Variants in CHSY3 observed in about 807,000 individuals in gnomAD.
CHSY3 encodes the protein N-acetylgalactosaminyl-proteoglycan 3-beta-glucuronosyltransferase 3.
CHSY3 carries 35 observed loss-of-function variants against 67.2 expected under a neutral mutation model. The ratio of observed to expected loss-of-function variants is 0.52; its 90% CI spans 0.40 to 0.69. The LOEUF (loss-of-function observed/expected upper bound fraction) is 0.69. CHSY3 is among the 30% of genes least tolerant of loss of function. The pLI is 0.00. For synonymous variants in CHSY3, 474 were observed against 434.7 expected, an observed-to-expected ratio of 1.09 and a Z score of -1.12; for missense variants, 1,069 against 1,138.5, an observed-to-expected ratio of 0.94 and a Z score of 0.88.
At chr5:130,030,850 T>C (rs1764684151) in intron 2 of CHSY3, among the ~76,000 whole-genome samples, 1 of 152,094 alleles carries the variant, frequency 6.6e-6, no homozygotes, top group Admixed American at 6.6e-5. Flanking sequence ...CATTGAAGAT[T>C]TGAGGATGGT....
At chr5:130,083,384 T>C (rs115640616) in intron 2 of CHSY3, among the ~76,000 whole-genome samples, 3,429 of 152,140 alleles carry the variant, frequency 0.023, 123 homozygotes, top group African/African-American at 0.076. Context: ...TTTTAAAATG[T>C]GTCTCTCTGT....
Position 130,051,223 on chromosome 5 carries a change from G to A in CHSY3, c.1087-133006G>A, listed in dbSNP as rs1765344878. ...ATGGAGGGAAACGTCATATTATGTT[G>A]TGTGCAATTCTATATTGCTTGGATT... is the stretch of plus-strand genomic sequence containing the variant. On this transcript the variant is annotated intron_variant, in intron 2 of 2. Coordinates refer to ENST00000305031, the MANE Select transcript of CHSY3 (RefSeq NM_175856.5). Among the ~76,000 whole-genome samples the A allele has an allele frequency of 2.6e-5, 4 of 152,036 alleles. No individual in the cohort carries two copies. In the South Asian group the frequency reaches 8.3e-4, roughly 32 times the overall value.
At position 130,166,251 on chromosome 5, in the gene CHSY3, A is replaced by G. The variant is rs556869127; in HGVS notation, c.1087-17978A>G. 1.1e-4 allele frequency among the ~76,000 whole-genome samples: 16 copies of G among 152,264 alleles called. 1 individual carries two copies. Among genetic ancestry groups the G allele is most frequent in the Admixed American group, 2.0e-4 (3 of 15,282 alleles). On this transcript the variant is annotated intron_variant, in intron 2 of 2. Transcript: ENST00000305031. ...TCAGAGAGAAAAATTTTAAAACTCC[A>G]TTTAAACCATTTTAAAAGATAACTG...
chr5:130,143,778 A>ATG (rs1173974032), intron 2 of CHSY3, among the ~76,000 whole-genome samples: 1 of 71,810 alleles, frequency 1.4e-5, no homozygotes, highest in African/African-American at 7.6e-5. Flanking sequence ...GTATATATAT[A>ATG]TATGTGTATA....
At chr5:130,095,773 A>C (rs746050512) in intron 2 of CHSY3, among the ~76,000 whole-genome samples, 1 of 152,352 alleles carries the variant, frequency 6.6e-6, no homozygotes. Flanking sequence ...CTTTCAAACT[A>C]TTTAATAATT....
chr5:129,979,182 A>T (rs1227394237), intron 2 of CHSY3, among the ~76,000 whole-genome samples: 1 of 140,684 alleles, frequency 7.1e-6, no homozygotes, highest in Non-Finnish European at 1.5e-5. Context: ...CCTGGGTGAG[A>T]CAGCGAGACT....
intron 2 of CHSY3, among the ~76,000 whole-genome samples, chr5:130,061,213 T>C (rs1232786898): frequency 6.6e-6 from 1 of 152,084 alleles, no homozygotes; most frequent in East Asian, 1.9e-4. Flanking sequence ...CAAAAATAGA[T>C]ACTTTGATCA....
At chr5:130,149,849 G>T (rs537954525) in intron 2 of CHSY3, among the ~76,000 whole-genome samples, 1 of 152,118 alleles carries the variant, frequency 6.6e-6, no homozygotes, top group Non-Finnish European at 1.5e-5. Flanking sequence ...TAAAATTACA[G>T]TAATTTTTAA....
intron 2 of CHSY3, among the ~76,000 whole-genome samples, chr5:130,042,535 C>T (rs1765033698): frequency 6.6e-6 from 1 of 152,046 alleles, no homozygotes; most frequent in Non-Finnish European, 1.5e-5. Context: ...GCAACCTGCA[C>T]ATATGAAACT....
At chr5:129,989,005 T>C (rs1763281541) in intron 2 of CHSY3, among the ~76,000 whole-genome samples, 1 of 152,212 alleles carries the variant, frequency 6.6e-6, no homozygotes. Flanking sequence ...GGGATGCCTC[T>C]AGAATGAAAG....
chr5:130,076,452 CT>C (rs536715906), intron 2 of CHSY3, among the ~76,000 whole-genome samples: 36 of 150,056 alleles, frequency 2.4e-4, no homozygotes, highest in Middle Eastern at 6.9e-3. Context: ...GAAAAGAAAC[CT>C]TTTTTTTTCC....
intron 2 of CHSY3, among the ~76,000 whole-genome samples, chr5:130,083,257 A>T (rs972411096): frequency 1.3e-5 from 2 of 152,022 alleles, no homozygotes; most frequent in Admixed American, 6.6e-5. Flanking sequence ...TGTACATTTG[A>T]TCAGCAGTAA....
Position 130,182,969 on chromosome 5 carries a change from GT to G in CHSY3, c.1087-1253del, listed in dbSNP as rs901755851. ...ATTGAGTTTTTTTTTTGAAGAGGCT[GT>G]TTTTTTAAATTTATGTACAATTTGT... On this transcript the variant is annotated intron_variant, in intron 2 of 2. Transcript: ENST00000305031. Among the ~76,000 whole-genome samples the G allele has an allele frequency of 2.9e-4, 43 of 149,972 alleles. 1 individual carries two copies. The highest frequency in any genetic ancestry group is 1.0e-3 in the African/African-American group (42 of 40,710).
At chr5:130,154,199 G>A (rs967420348) in intron 2 of CHSY3, among the ~76,000 whole-genome samples, 26 of 152,218 alleles carry the variant, frequency 1.7e-4, no homozygotes, top group African/African-American at 6.0e-4. Flanking sequence ...TTACAGGCAT[G>A]AGCCACCGCG....
At chr5:129,942,245 G>C (rs1437402974) in intron 2 of CHSY3, among the ~76,000 whole-genome samples, 1 of 152,110 alleles carries the variant, frequency 6.6e-6, no homozygotes, top group African/African-American at 2.4e-5. Context: ...AGAGCTTTTG[G>C]AGTTATGAGC....
chr5:129,998,965 G>A (rs1763634903), intron 2 of CHSY3, among the ~76,000 whole-genome samples: 1 of 151,878 alleles, frequency 6.6e-6, no homozygotes, highest in South Asian at 2.1e-4. Flanking sequence ...AGGCTTCTGT[G>A]TTATTTGACA....
chr5:130,024,672 C>A (rs1204897461), intron 2 of CHSY3, among the ~76,000 whole-genome samples: 14 of 151,812 alleles, frequency 9.2e-5, no homozygotes, highest in Non-Finnish European at 2.9e-5. Context: ...GAGAAGTGGT[C>A]AGAGATTAGA....
Position 129,905,559 on chromosome 5 carries a change from A to AAG in CHSY3, c.731_732dup (p.Tyr245SerfsTer28). ...CCAGAAAAAGTCCTTCATGATGATC[A>AAG]AGTACATGCACGACCACTACCTGGA... On this transcript the variant is annotated frameshift_variant, in exon 1 of 3. Transcript: ENST00000305031. LOFTEE classifies it high-confidence loss of function. The AAG allele has an allele frequency of 6.2e-7, 1 of 1,613,674 alleles. No homozygotes were observed. Among genetic ancestry groups the AAG allele is most frequent in the Non-Finnish European group, 8.5e-7 (1 of 1,179,990 alleles).
chr5:130,172,555 T>G (rs1769926003), intron 2 of CHSY3, among the ~76,000 whole-genome samples: 1 of 152,118 alleles, frequency 6.6e-6, no homozygotes, highest in Admixed American at 6.6e-5. Flanking sequence ...GGTCTCAATA[T>G]TTTGGACTCA....
Sources: gnomAD v4.1 joint callset for allele counts (sites outside exome capture counted in the v4.1 genomes callset) on GRCh38, gnomAD v4.1.1 for gene constraint, MANE v1.5 for transcripts, NCBI Gene and HGNC (gene_info 2026-07-23, HGNC 2026-07-21) for gene names.